FSHR: variants seen among roughly 807,000 people sequenced by gnomAD.
The protein encoded by FSHR is follicle stimulating hormone receptor, also known as follicle-stimulating hormone receptor.
A neutral mutation model predicts 52.1 loss-of-function variants in FSHR; 46 were observed. That is an observed-to-expected ratio of 0.88 (90% CI 0.70 to 1.13). The LOEUF (loss-of-function observed/expected upper bound fraction) is 1.13, where lower values mean the gene tolerates loss of function less well. Ranked by LOEUF, FSHR falls within the 50% of genes most tolerant of loss-of-function variation. The pLI is 0.00. For synonymous variants in FSHR, 399 were observed against 309.6 expected, an observed-to-expected ratio of 1.29 and a Z score of -3.03; for missense variants, 964 against 834.6, an observed-to-expected ratio of 1.16 and a Z score of -1.91.
intron 1 of FSHR, among the ~76,000 whole-genome samples, chr2:49,134,436 G>C (rs576712544): frequency 6.6e-6 from 1 of 152,214 alleles, no homozygotes; most frequent in East Asian, 1.9e-4. Flanking sequence ...AGAGGATGTG[G>C]AGAAATAGGA....
In FSHR at chr2:49,089,926, C is replaced by T. The variant is rs572835371; in HGVS notation, c.153-21636G>A. Among the ~76,000 whole-genome samples the T allele has an allele frequency of 3.9e-5, 6 of 152,118 alleles. No individual in the cohort carries two copies. The South Asian group carries it at 1.2e-3, about 32-fold the overall frequency. On this transcript the variant is annotated intron_variant, in intron 1 of 9. Coordinates refer to ENST00000406846, the MANE Select transcript of FSHR (RefSeq NM_000145.4). ...TGCAAAGCGTGTACATTCTAGCTAGCAGGGACGCTGACCACTCGAAAAAGA... is the reference window on the plus strand; with the variant it reads ...TGCAAAGCGTGTACATTCTAGCTAGTAGGGACGCTGACCACTCGAAAAAGA...
intron 2 of FSHR, among the ~76,000 whole-genome samples, chr2:49,025,320 A>G (rs7607503): frequency 0.022 from 3,404 of 152,256 alleles, 138 homozygotes; most frequent in African/African-American, 0.078. Context: ...TGGTTCATCA[A>G]TCATCTCTAA....
chr2:49,037,650 AC>A (rs1668315103), intron 2 of FSHR, among the ~76,000 whole-genome samples: 2 of 152,328 alleles, frequency 1.3e-5, no homozygotes, highest in South Asian at 4.1e-4. Flanking sequence ...AGGTAATTAA[AC>A]ACTCAATAAG....
chr2:49,021,886 T>TATAG (rs1273265515), intron 2 of FSHR, among the ~76,000 whole-genome samples: 110 of 25,056 alleles, frequency 4.4e-3, no homozygotes, highest in Non-Finnish European at 5.4e-3. Flanking sequence ...TATATATATA[T>TATAG]AGAGAGAGAG....
intron 6 of FSHR, among the ~76,000 whole-genome samples, chr2:48,986,245 A>G (rs1047466120): frequency 6.6e-6 from 1 of 152,152 alleles, no homozygotes; most frequent in Middle Eastern, 3.4e-3. Context: ...TCCCTGTGTT[A>G]GTTTGCTTAG....
At chr2:48,982,646 A>G (rs915851039) in intron 8 of FSHR, among the ~76,000 whole-genome samples, 3 of 152,230 alleles carry the variant, frequency 2.0e-5, no homozygotes, top group South Asian at 4.1e-4. Context: ...TAAGGATTAA[A>G]CAAGAAAATG....
intron 1 of FSHR, among the ~76,000 whole-genome samples, chr2:49,118,051 A>G (rs1572767047): frequency 1.3e-5 from 2 of 152,260 alleles, no homozygotes; most frequent in East Asian, 3.9e-4. Context: ...GGCCTACCTG[A>G]TGAGTAGGTG....
chr2:49,034,244 C>T (rs1668200778), intron 2 of FSHR, among the ~76,000 whole-genome samples: 1 of 152,180 alleles, frequency 6.6e-6, no homozygotes, highest in South Asian at 2.1e-4. Flanking sequence ...AGTTCTAACA[C>T]AGGAGAGGAT....
At chr2:49,021,875 A>ATATATATATGTATG (rs1553334901) in intron 2 of FSHR, among the ~76,000 whole-genome samples, 1 of 51,232 alleles carries the variant, frequency 2.0e-5, no homozygotes, top group African/African-American at 7.4e-5. Context: ...ATATATATAT[A>ATATATATATGTATG]TATATATATA....
intron 9 of FSHR, among the ~76,000 whole-genome samples, chr2:48,966,704 A>G (rs1387046107): frequency 6.6e-6 from 1 of 152,230 alleles, no homozygotes; most frequent in African/African-American, 2.4e-5. Context: ...CTGAATAACA[A>G]TTATTTTGTG....
rs532869254 is a variant in FSHR at position 49,084,513 on chromosome 2, A to G, written c.153-16223T>C. 9.3e-4 allele frequency among the ~76,000 whole-genome samples: 141 copies of G among 152,246 alleles called. 1 individual carries two copies. The highest frequency in any genetic ancestry group is 1.7e-3 in the Non-Finnish European group (116 of 68,002). On this transcript the variant is annotated intron_variant, in intron 1 of 9. Transcript: ENST00000406846. ...CTAAAATCAGAGCAGAACTGAAGGA[A>G]ATAGAGACAAAAAAACCTTTCAAAA...
intron 1 of FSHR, among the ~76,000 whole-genome samples, chr2:49,092,753 C>T (rs1246847026): frequency 6.6e-6 from 1 of 152,058 alleles, no homozygotes; most frequent in African/African-American, 2.4e-5. Flanking sequence ...GCAACCTTCA[C>T]CTCCCGGGTT....
At chr2:48,996,978 A>G (rs1221605680) in intron 4 of FSHR, among the ~76,000 whole-genome samples, 1 of 152,116 alleles carries the variant, frequency 6.6e-6, no homozygotes, top group Non-Finnish European at 1.5e-5. Flanking sequence ...GTATATCTAT[A>G]TACAACATGA....
In FSHR at chr2:48,963,850, C is replaced by G; in HGVS notation, c.971G>C (p.Arg324Thr). 2.5e-6 allele frequency: 4 copies of G among 1,614,132 alleles called. No homozygotes were observed. Among genetic ancestry groups the G allele is most frequent in the Non-Finnish European group, 3.4e-6 (4 of 1,180,006 alleles). ...LAEDNESSYS[R>T]GFDMTYTEFD... ...CTCAGTGTACGTCATGTCAAATCCT[C>G]TGCTGTAGCTGGACTCATTGTCTTC... Residue 324 changes from arginine (R) to threonine (T), a missense_variant, in exon 10 of 10, where the codon AGA becomes ACA. By Grantham distance (71) the Arg-to-Thr change is moderately conservative (BLOSUM62 -1). Coordinates refer to ENST00000406846, the MANE Select transcript of FSHR (RefSeq NM_000145.4).
intron 2 of FSHR, among the ~76,000 whole-genome samples, chr2:49,053,962 T>C (rs1478754840): frequency 1.3e-5 from 2 of 152,098 alleles, no homozygotes; most frequent in Admixed American, 6.6e-5. Context: ...ATTAGAGAAG[T>C]TGAAACACTT....
intron 8 of FSHR, among the ~76,000 whole-genome samples, chr2:48,974,369 G>A (rs1298708484): frequency 6.6e-6 from 1 of 152,172 alleles, no homozygotes; most frequent in Non-Finnish European, 1.5e-5. Context: ...GTGTTCTGGA[G>A]CTAGCTTGTT....
chr2:49,110,987 C>A (rs1671402460), intron 1 of FSHR, among the ~76,000 whole-genome samples: 1 of 152,142 alleles, frequency 6.6e-6, no homozygotes, highest in African/African-American at 2.4e-5. Context: ...CAAATGGAAC[C>A]TTATTAATGG....
intron 2 of FSHR, among the ~76,000 whole-genome samples, chr2:49,056,322 T>C (rs1472261392): frequency 6.6e-6 from 1 of 151,392 alleles, no homozygotes; most frequent in Non-Finnish European, 1.5e-5. Context: ...AACCCTAAAG[T>C]GAGCAGGAAT....
chr2:49,082,779 G>A (rs1231432436), intron 1 of FSHR, among the ~76,000 whole-genome samples: 7 of 152,188 alleles, frequency 4.6e-5, no homozygotes, highest in African/African-American at 7.2e-5. Context: ...ATGAAGCGAG[G>A]AGGGAAGTTT....
Sources: gnomAD v4.1 joint callset for allele counts (sites outside exome capture counted in the v4.1 genomes callset) on GRCh38, gnomAD v4.1.1 for gene constraint, MANE v1.5 for transcripts, NCBI Gene and HGNC (gene_info 2026-07-23, HGNC 2026-07-21) for gene names.